The following NFIC variants were observed in gnomAD, a reference collection of about 807,000 sequenced individuals.
NFIC encodes nuclear factor 1 C-type.
In NFIC, 12 loss-of-function variants were observed where a neutral mutation model predicts 54.4. The observed-to-expected ratio is 0.22, with a 90% confidence interval of 0.14 to 0.36. The LOEUF (loss-of-function observed/expected upper bound fraction) is 0.36, where lower values mean the gene tolerates loss of function less well. NFIC is among the 10% of genes least tolerant of loss of function. The pLI is 1.00. For synonymous variants in NFIC, 322 were observed against 319.2 expected (o/e 1.01, Z -0.09); for missense variants, 575 against 718.2 (o/e 0.80, Z 2.28).
In NFIC at chr19:3,390,543, G is replaced by A. The variant is rs142675102; in HGVS notation, c.562+8300G>A. On this transcript the variant is annotated intron_variant, in intron 2 of 10. Coordinates refer to ENST00000443272, the MANE Select transcript of NFIC (RefSeq NM_001245002.2). Reference sequence around the variant, plus strand: ...ATGTTTGACAAGTGACATTGCAGCTGTGGGCCTCAGTTTCCTCCCCCATCA... The same window carrying A: ...ATGTTTGACAAGTGACATTGCAGCTATGGGCCTCAGTTTCCTCCCCCATCA... Among the ~76,000 whole-genome samples the A allele has an allele frequency of 1.8e-4, 28 of 152,312 alleles. No individual in the cohort carries two copies. The East Asian group carries it at 5.4e-3, about 29-fold the overall frequency.
intron 3 of NFIC, among the ~76,000 whole-genome samples, chr19:3,432,438 G>A (rs2082134384): frequency 6.6e-6 from 1 of 152,140 alleles, no homozygotes. Context: ...GTCTGAAGGG[G>A]AGAAGAACAA....
At chr19:3,371,923 C>A (rs1208759142) in intron 1 of NFIC, among the ~76,000 whole-genome samples, 2 of 134,128 alleles carry the variant, frequency 1.5e-5, no homozygotes, top group African/African-American at 2.9e-5. Flanking sequence ...TTCCTTCCTT[C>A]CTTCCTTCCT....
chr19:3,435,267 A>C lies in NFIC; in HGVS notation c.958+60A>C, dbSNP rs866518490. Reference sequence around the variant, plus strand: ...GGTCTGAGTCACCGTGGCGGGAACTACGTCTTCCGGCAGCCACTGCGCGGG... The same window carrying C: ...GGTCTGAGTCACCGTGGCGGGAACTCCGTCTTCCGGCAGCCACTGCGCGGG... On this transcript the variant is annotated intron_variant, in intron 6 of 10. Coordinates refer to ENST00000443272, the MANE Select transcript of NFIC (RefSeq NM_001245002.2). 19 of 1,466,534 alleles carry C rather than the reference A, an allele frequency of 1.3e-5. 1 individual carries two copies. The South Asian group carries it at 2.3e-4, about 18-fold the overall frequency. 90.8% of individuals were successfully genotyped at this position (1,466,534 alleles called of 1,614,324 possible).
chr19:3,463,802 C>A lies in NFIC; in HGVS notation c.*1033C>A. 7 of 985,274 alleles carry A rather than the reference C, an allele frequency of 7.1e-6. No individual in the cohort carries two copies. The highest frequency in any genetic ancestry group is 8.4e-6 in the Non-Finnish European group (7 of 829,858). 61.0% of individuals were successfully genotyped at this position (985,274 alleles called of 1,614,324 possible). On this transcript the variant is annotated 3_prime_UTR_variant, in exon 11 of 11. Transcript: ENST00000443272. Reference sequence around the variant, plus strand: ...TGCCCGTCTGGAGCGCCCCCGTCAGCCCCTGGCGGTGGGAGGTGAGAGCGA... The same window carrying A: ...TGCCCGTCTGGAGCGCCCCCGTCAGACCCTGGCGGTGGGAGGTGAGAGCGA...
chr19:3,447,023 G>A (rs2082382696), intron 6 of NFIC, among the ~76,000 whole-genome samples: 1 of 152,214 alleles, frequency 6.6e-6, no homozygotes, highest in South Asian at 2.1e-4. Flanking sequence ...ACTCGGCTGG[G>A]TGCAGTGGCT....
rs2081084837 is a variant in NFIC, at chr19:3,375,179, C to T, written c.31-6533C>T. On this transcript the variant is annotated intron_variant, in intron 1 of 10. Transcript: ENST00000443272. This position sits in a 1 kb window ranked among gnomAD's most constrained non-coding sequence, Gnocchi z 4.6. ...GGAGTTGGGGGGACAGTGATCCCTG[C>T]CCCCATCATGGATGCCTCCCCTGTC... Among the ~76,000 whole-genome samples, 2 of 152,048 alleles carry T rather than the reference C, an allele frequency of 1.3e-5. No homozygotes were observed. Among genetic ancestry groups the T allele is most frequent in the South Asian group, 4.1e-4 (2 of 4,824 alleles).
chr19:3,365,936 G>A (rs1405134410), upstream of NFIC, among the ~76,000 whole-genome samples: 3 of 152,234 alleles, frequency 2.0e-5, no homozygotes, highest in East Asian at 5.8e-4. Context: ...AAGGGAGCCA[G>A]GGTGCTGTGG....
chr19:3,439,061 C>T (rs558050067), intron 6 of NFIC, among the ~76,000 whole-genome samples: 1 of 151,906 alleles, frequency 6.6e-6, no homozygotes, highest in South Asian at 2.1e-4. Context: ...TTGGCAGGTT[C>T]CTTAACCTCT....
chr19:3,455,940 G>T (rs1410665920), intron 9 of NFIC, among the ~76,000 whole-genome samples: 1 of 151,974 alleles, frequency 6.6e-6, no homozygotes, highest in East Asian at 1.9e-4. Flanking sequence ...CCCAACCCCA[G>T]CCAGGACAAC....
rs2080952713 is a variant in NFIC, at chr19:3,369,172, C to T, written c.30+2506C>T. 6.6e-6 allele frequency among the ~76,000 whole-genome samples: 1 copy of T among 151,794 alleles called. No homozygotes were observed. The highest frequency in any genetic ancestry group is 1.5e-5 in the Non-Finnish European group (1 of 67,936). On this transcript the variant is annotated intron_variant, in intron 1 of 10. Coordinates refer to ENST00000443272, the MANE Select transcript of NFIC (RefSeq NM_001245002.2). This position sits in a 1 kb window ranked among gnomAD's most constrained non-coding sequence, Gnocchi z 4.3. ...TCTCTCTGTCTCTCCCTCCCTTTGCCTTCTTTGTGTGTCTGTCCGATGTGT... is the reference window on the plus strand; with the variant it reads ...TCTCTCTGTCTCTCCCTCCCTTTGCTTTCTTTGTGTGTCTGTCCGATGTGT...
At chr19:3,387,712 C>T (rs2145493012) in intron 2 of NFIC, among the ~76,000 whole-genome samples, 1 of 151,788 alleles carries the variant, frequency 6.6e-6, no homozygotes, top group South Asian at 2.1e-4. Flanking sequence ...AGGCCTGGAG[C>T]CCAGGAGCAG....
intron 1 of NFIC, among the ~76,000 whole-genome samples, chr19:3,361,208 G>A (rs2080806834): frequency 6.6e-6 from 1 of 152,214 alleles, no homozygotes; most frequent in African/African-American, 2.4e-5. Flanking sequence ...CGCTCGCCAG[G>A]GGTTGCGCTT....
chr19:3,449,009 C>T lies in NFIC; in HGVS notation c.959-5C>T. 2 of 1,611,948 alleles carry T rather than the reference C, an allele frequency of 1.2e-6. No individual in the cohort carries two copies. Among genetic ancestry groups the T allele is most frequent in the East Asian group, 2.2e-5 (1 of 44,844 alleles). ...TGTGACTCTCTCGTCCCATCCCCTCCACAGGCATCTCGTCCCCGGTGAAGA... is the reference window on the plus strand; with the variant it reads ...TGTGACTCTCTCGTCCCATCCCCTCTACAGGCATCTCGTCCCCGGTGAAGA... On this transcript the variant is annotated splice_region_variant and splice_polypyrimidine_tract_variant and intron_variant, in intron 6 of 10. Coordinates refer to ENST00000443272, the MANE Select transcript of NFIC (RefSeq NM_001245002.2).
chr19:3,400,478 G>GA (rs577379816), intron 2 of NFIC, among the ~76,000 whole-genome samples: 17 of 147,450 alleles, frequency 1.2e-4, no homozygotes, highest in Admixed American at 6.1e-4. Flanking sequence ...CTCTGTCTCA[G>GA]AAAAAAAAAA....
chr19:3,433,254 T>G (rs1474481881), intron 3 of NFIC, among the ~76,000 whole-genome samples: 2 of 152,242 alleles, frequency 1.3e-5, no homozygotes, highest in Non-Finnish European at 2.9e-5. Flanking sequence ...CATGAGCCAC[T>G]GCGCCCGGCC....
chr19:3,390,746 C>A (rs1467095748), intron 2 of NFIC, among the ~76,000 whole-genome samples: 1 of 152,010 alleles, frequency 6.6e-6, no homozygotes, highest in African/African-American at 2.4e-5. Flanking sequence ...GGATGTCACA[C>A]TCAGTAAAAT....
chr19:3,391,551 CT>C (rs2081377428), intron 2 of NFIC, among the ~76,000 whole-genome samples: 1 of 152,014 alleles, frequency 6.6e-6, no homozygotes, highest in Non-Finnish European at 1.5e-5. Context: ...AATCCCAGCA[CT>C]TTGGGAGGCC....
rs1419918673 is a variant in NFIC at position 3,456,715 on chromosome 19, C to G, written c.1509+80C>G. 3.1e-6 allele frequency: 4 copies of G among 1,271,768 alleles called. No individual in the cohort carries two copies. In the East Asian group the frequency reaches 7.6e-5, roughly 24 times the overall value. The allele number at this position is 1,271,768 out of a possible 1,614,324, so 78.8% of individuals were successfully genotyped here. A position where few individuals can be genotyped will look rare whatever the true frequency, so the allele number is the denominator to read the frequency against. On this transcript the variant is annotated intron_variant, in intron 10 of 10. Transcript: ENST00000443272. ...CCCGGGGGGCTCAGGGCGAAGAGGGCCTGCTGGGTCCCACGCCACACCCCT... is the reference window on the plus strand; with the variant it reads ...CCCGGGGGGCTCAGGGCGAAGAGGGGCTGCTGGGTCCCACGCCACACCCCT...
Position 3,463,491 on chromosome 19 carries a change from C to T in NFIC, c.*722C>T. 1 of 985,280 alleles carries T rather than the reference C, an allele frequency of 1.0e-6. No homozygotes were observed. The highest frequency in any genetic ancestry group is 1.2e-6 in the Non-Finnish European group (1 of 829,938). 61.0% of individuals were successfully genotyped at this position (985,280 alleles called of 1,614,324 possible). A position where few individuals can be genotyped will look rare whatever the true frequency, so the allele number is the denominator to read the frequency against. On this transcript the variant is annotated 3_prime_UTR_variant, in exon 11 of 11. Transcript: ENST00000443272. ...AGGCACCTGCTGCCCCTCGAGGGGG[C>T]CCTGCCTGCCGCGGGGCCTCCCCAC...
Sources: allele counts gnomAD v4.1 joint callset (sites outside exome capture counted in the v4.1 genomes callset), GRCh38; gene constraint gnomAD v4.1.1; non-coding constraint Gnocchi (gnomAD v3.1); transcripts MANE v1.5; gene names NCBI Gene and HGNC (gene_info 2026-07-23, HGNC 2026-07-21).